MIA2: variants seen among roughly 807,000 people sequenced by gnomAD.
MIA2 encodes MIA SH3 domain ER export factor 2, also known as melanoma inhibitory activity protein 2.
MIA2 carries 127 observed loss-of-function variants against 167.8 expected under a neutral mutation model. The observed-to-expected ratio is 0.76, with a 90% CI of 0.66 to 0.88. The LOEUF is 0.88. Among genes scored for constraint, MIA2 ranks in the 40% least tolerant of loss-of-function variants. The pLI is 0.00. For missense variants in MIA2, 1,690 were observed against 1,624.7 expected (o/e 1.04, Z -0.69); for synonymous variants, 552 against 541.9 (o/e 1.02, Z -0.26).
downstream of MIA2, among the ~76,000 whole-genome samples, chr14:39,351,936 TGTC>T (rs2074398038): frequency 6.6e-6 from 1 of 152,134 alleles, no homozygotes; most frequent in Admixed American, 6.6e-5. Flanking sequence ...GTAAATCCAG[TGTC>T]GTAATTCCTG....
Position 39,302,122 on chromosome 14 carries a change from T to C in MIA2, c.2620-7T>C, listed in dbSNP as rs756532293. 6.8e-6 allele frequency: 11 copies of C among 1,612,902 alleles called. No homozygotes were observed. Among genetic ancestry groups the C allele is most frequent in the Non-Finnish European group, 9.3e-6 (11 of 1,179,292 alleles). On this transcript the variant is annotated splice_polypyrimidine_tract_variant and splice_region_variant and intron_variant, in intron 14 of 28. Transcript: ENST00000640607. ...CTCTCTATTTTTCCCCTTTGTTCAA[T>C]GTCAAGACTCTGACTGAACGCTTGT...
chr14:39,266,170 G>A (rs1010547884), intron 6 of MIA2: 1 of 985,262 alleles, frequency 1.0e-6, no homozygotes, highest in Non-Finnish European at 1.2e-6. Context: ...TGTTTAGGAG[G>A]AAGTATCTGC....
intron 6 of MIA2, among the ~76,000 whole-genome samples, chr14:39,270,892 A>AT (rs2057023472): frequency 6.6e-6 from 1 of 151,610 alleles, no homozygotes; most frequent in Non-Finnish European, 1.5e-5. Flanking sequence ...ATTTAGAAAG[A>AT]TTTTCTCTCA....
chr14:39,306,010 A>G (rs1345704087), intron 17 of MIA2, among the ~76,000 whole-genome samples: 3 of 152,002 alleles, frequency 2.0e-5, no homozygotes, highest in African/African-American at 2.4e-5. Flanking sequence ...TTGTTTTACA[A>G]TAGGGATGAT....
At chr14:39,370,643 C>A in intron 23 of MIA2, 1 of 312,962 alleles carries the variant, frequency 3.2e-6, no homozygotes. Context: ...TCTCTGCTGC[C>A]CGAGTCTGTC....
chr14:39,355,945 CG>C (rs2074511772), downstream of MIA2, among the ~76,000 whole-genome samples: 1 of 152,186 alleles, frequency 6.6e-6, no homozygotes, highest in East Asian at 1.9e-4. Flanking sequence ...GCTGTGGATT[CG>C]GTTTGCCAGT....
rs768863558 is a variant in MIA2 at position 39,345,915 on chromosome 14, C to T, written c.3667C>T (p.Pro1223Ser). The T allele has an allele frequency of 2.6e-5, 42 of 1,610,058 alleles. 1 individual carries two copies. The South Asian group carries it at 4.5e-4, about 17-fold the overall frequency. Residue 1223 changes from proline (P) to serine (S), a missense_variant, in exon 26 of 29, where the codon CCT (proline) becomes TCT (serine). Transcript: ENST00000640607. ...MMFPPPGQSY[P>S]DSALPPQRQD... ...AACTTATTTTCTAGGACAATCATAT[C>T]CTGATTCAGCCCTTCCTCCACAAAG... is the stretch of plus-strand genomic sequence containing the variant.
intron 6 of MIA2, among the ~76,000 whole-genome samples, chr14:39,258,651 G>T (rs531359354): frequency 6.6e-6 from 1 of 152,304 alleles, no homozygotes; most frequent in South Asian, 2.1e-4. Flanking sequence ...CAATCATTTG[G>T]AGGAGAAGAG....
intron 23 of MIA2, among the ~76,000 whole-genome samples, chr14:39,360,477 TTTGTTG>T (rs749913391): frequency 2.7e-5 from 4 of 145,754 alleles, no homozygotes; most frequent in Non-Finnish European, 6.0e-5. Flanking sequence ...TTTGTTTGTT[TTTGTTG>T]TTGTTGTTGT....
At chr14:39,360,523 G>T (rs1289334889) in intron 23 of MIA2, among the ~76,000 whole-genome samples, 1 of 150,468 alleles carries the variant, frequency 6.6e-6, no homozygotes, top group African/African-American at 2.5e-5. Flanking sequence ...TGAGTGCCTT[G>T]TGTATTCTTG....
intron 13 of MIA2, among the ~76,000 whole-genome samples, chr14:39,297,759 G>C (rs1244566373): frequency 6.6e-6 from 1 of 151,730 alleles, no homozygotes; most frequent in East Asian, 1.9e-4. Context: ...ATAAGAATGT[G>C]TATATATTTA....
At chr14:39,260,396 A>G (rs1253153873) in intron 6 of MIA2, among the ~76,000 whole-genome samples, 6 of 152,140 alleles carry the variant, frequency 3.9e-5, no homozygotes, top group Admixed American at 6.5e-5. Context: ...AATGATCACC[A>G]TTTCAACTGG....
chr14:39,236,882 T>G (rs749847858), intron 1 of MIA2, 40 bp from the exon 2 acceptor site: 1 of 1,552,228 alleles, frequency 6.4e-7, no homozygotes, highest in Admixed American at 1.9e-5. Flanking sequence ...AATATCATTT[T>G]AATTTAAAGT....
At chr14:39,271,447 GTTCTTT>G (rs2057130742) in intron 6 of MIA2, among the ~76,000 whole-genome samples, 1 of 151,964 alleles carries the variant, frequency 6.6e-6, no homozygotes, top group South Asian at 2.1e-4. Flanking sequence ...GTTTATCCAC[GTTCTTT>G]TTCTTTATCA....
At chr14:39,350,902 T>C (rs2074319790), downstream of MIA2, 1 of 152,182 alleles carries the variant, frequency 6.6e-6, no homozygotes, top group Non-Finnish European at 1.5e-5. Context: ...TATCTAATGG[T>C]GAATTGTAGA....
rs1237457055 is a variant in MIA2 at position 39,291,025 on chromosome 14, G to A, written c.2137G>A (p.Gly713Ser). The change falls in exon 10 of 29, where the codon GGC becomes AGC. Residue 713 changes from glycine to serine, a missense_variant. By Grantham distance (56) the Gly-to-Ser change is moderately conservative. Transcript: ENST00000640607. ...TGATGTTGCTTTGTTTCAGTATGAA[G>A]GCTATGAAGTAGAGTCATCTTTAAA... Reference protein sequence around the residue: ...KFSLVQKEYEGYEVESSLKDA... With the variant: ...KFSLVQKEYESYEVESSLKDA... The A allele has an allele frequency of 1.2e-6, 2 of 1,606,708 alleles. No homozygotes were observed. Among genetic ancestry groups the A allele is most frequent in the Non-Finnish European group, 1.7e-6 (2 of 1,177,358 alleles).
chr14:39,353,418 C>T (rs2074442686), downstream of MIA2, among the ~76,000 whole-genome samples: 1 of 152,130 alleles, frequency 6.6e-6, no homozygotes, highest in African/African-American at 2.4e-5. Flanking sequence ...TTTTTTAACT[C>T]CCCCATATGA....
intron 6 of MIA2, chr14:39,267,494 T>TG (rs779833957): frequency 6.2e-7 from 1 of 1,613,314 alleles, no homozygotes; most frequent in Admixed American, 1.7e-5. Flanking sequence ...CAACCGTATT[T>TG]GGGGCTGCTC....
intron 6 of MIA2, chr14:39,267,184 G>A (rs2055915352): frequency 8.2e-7 from 1 of 1,224,660 alleles, no homozygotes; most frequent in African/African-American, 1.6e-5. Context: ...GGGTGGCGAG[G>A]ACAGGGTACG....
Sources: gnomAD v4.1 joint callset for allele counts (sites outside exome capture counted in the v4.1 genomes callset) on GRCh38, gnomAD v4.1.1 for gene constraint, MANE v1.5 for transcripts, NCBI Gene and HGNC (gene_info 2026-07-23, HGNC 2026-07-21) for gene names.